DSCAM: variants seen among roughly 807,000 people sequenced by gnomAD.
DSCAM encodes the protein DS cell adhesion molecule.
DSCAM carries 47 observed loss-of-function variants against 217.7 expected under a neutral mutation model. The observed-to-expected ratio is 0.22, with a 90% CI of 0.17 to 0.28. DSCAM has a LOEUF of 0.28. Among genes scored for constraint, DSCAM ranks in the 10% least tolerant of loss-of-function variants. The pLI is 1.00. For synonymous variants in DSCAM, 1,056 were observed against 1,015.3 expected, an observed-to-expected ratio of 1.04 and a Z score of -0.76; for missense variants, 2,080 against 2,618.3, an observed-to-expected ratio of 0.79 and a Z score of 4.49.
intron 19 of DSCAM, among the ~76,000 whole-genome samples, chr21:40,128,312 C>T (rs886940018): frequency 6.6e-6 from 1 of 150,938 alleles, no homozygotes; most frequent in African/African-American, 2.4e-5. Context: ...TACAATGGGT[C>T]CCCAAGATCC....
rs995537174 is a variant in DSCAM at position 40,786,190 on chromosome 21, C to T, written c.43+60429G>A. On this transcript the variant is annotated intron_variant, in intron 1 of 32. Coordinates refer to ENST00000400454, the MANE Select transcript of DSCAM (RefSeq NM_001389.5). ...GGCGGAGGTTGTGGTGAGCTGAGAT[C>T]GTGCCATTGTACTCCAGCCTGGGCA... Among the ~76,000 whole-genome samples, 5 of 151,010 alleles carry T rather than the reference C, an allele frequency of 3.3e-5. No individual in the cohort carries two copies. The South Asian group carries it at 8.4e-4, about 25-fold the overall frequency.
At chr21:40,518,008 T>G (rs1003471680) in intron 3 of DSCAM, among the ~76,000 whole-genome samples, 1 of 151,950 alleles carries the variant, frequency 6.6e-6, no homozygotes, top group Non-Finnish European at 1.5e-5. Context: ...CTCTGCAGAC[T>G]CTTGGTTCAC....
chr21:40,594,228 A>T (rs2077004441), intron 3 of DSCAM, among the ~76,000 whole-genome samples: 1 of 152,226 alleles, frequency 6.6e-6, no homozygotes, highest in South Asian at 2.1e-4. Flanking sequence ...AATCAATCCT[A>T]GATTTGGAAC....
At chr21:40,257,882 T>C (rs1469996085) in intron 11 of DSCAM, among the ~76,000 whole-genome samples, 1 of 152,212 alleles carries the variant, frequency 6.6e-6, no homozygotes, top group Non-Finnish European at 1.5e-5. Context: ...ATGCAGTTTA[T>C]GGCTACAGAA....
At chr21:40,032,062 C>T (rs1435757661) in intron 32 of DSCAM, among the ~76,000 whole-genome samples, 1 of 152,176 alleles carries the variant, frequency 6.6e-6, no homozygotes, top group African/African-American at 2.4e-5. Context: ...CAGCCTAACT[C>T]AGCTCCTTCT....
intron 1 of DSCAM, among the ~76,000 whole-genome samples, chr21:40,828,800 C>T (rs1357622799): frequency 5.3e-5 from 8 of 152,100 alleles, no homozygotes; most frequent in Non-Finnish European, 1.0e-4. Context: ...GGACTACAGG[C>T]ACATGCCACC....
At position 40,510,153 on chromosome 21, in the gene DSCAM, C is replaced by A. The variant is rs77068217; in HGVS notation, c.509-140908G>T. On this transcript the variant is annotated intron_variant, in intron 3 of 32. Coordinates refer to ENST00000400454, the MANE Select transcript of DSCAM (RefSeq NM_001389.5). ...AAAAAGAATCTAAAATTGTCCCCCC[C>A]CAAAGCACTCTAAAATAAATAACAA... Among the ~76,000 whole-genome samples the A allele has an allele frequency of 2.1e-3, 326 of 152,084 alleles. 1 individual carries two copies. Among genetic ancestry groups the A allele is most frequent in the African/African-American group, 7.0e-3 (290 of 41,502 alleles).
intron 3 of DSCAM, among the ~76,000 whole-genome samples, chr21:40,663,881 T>TTTA: frequency 6.6e-6 from 1 of 152,188 alleles, no homozygotes; most frequent in East Asian, 1.9e-4. Context: ...TTTTTTTGAT[T>TTTA]TCTGTTTGTC....
chr21:40,518,027 G>A (rs900721295), intron 3 of DSCAM, among the ~76,000 whole-genome samples: 1 of 151,924 alleles, frequency 6.6e-6, no homozygotes, highest in African/African-American at 2.4e-5. Context: ...ACAGAGACAT[G>A]GGTGCTTCAT....
chr21:40,721,541 A>G (rs1219758245), intron 1 of DSCAM, among the ~76,000 whole-genome samples: 2 of 152,194 alleles, frequency 1.3e-5, no homozygotes, highest in African/African-American at 2.4e-5. Context: ...AATGAAAGTT[A>G]GACAAATAGG....
At chr21:40,264,335 C>T (rs1226837787) in intron 11 of DSCAM, among the ~76,000 whole-genome samples, 2 of 152,060 alleles carry the variant, frequency 1.3e-5, no homozygotes, top group Non-Finnish European at 1.5e-5. Context: ...AATAGCAAAT[C>T]GAATCCAATA....
At chr21:40,266,107 G>A (rs1489941050) in intron 11 of DSCAM, among the ~76,000 whole-genome samples, 4 of 152,048 alleles carry the variant, frequency 2.6e-5, no homozygotes, top group East Asian at 1.9e-4. Flanking sequence ...TTATGCATCC[G>A]ACAAAGTACT....
At chr21:40,786,035 C>T (rs2091590861) in intron 1 of DSCAM, among the ~76,000 whole-genome samples, 1 of 152,224 alleles carries the variant, frequency 6.6e-6, no homozygotes, top group South Asian at 2.1e-4. Context: ...TCAGGAGTTC[C>T]AGGCCAGCCT....
intron 3 of DSCAM, among the ~76,000 whole-genome samples, chr21:40,541,551 C>T (rs79494624): frequency 0.076 from 11,584 of 152,098 alleles, 861 homozygotes; most frequent in African/African-American, 0.19. Flanking sequence ...AGAATAGAGG[C>T]CTTTCTCAGA....
intron 1 of DSCAM, among the ~76,000 whole-genome samples, chr21:40,774,968 T>C (rs1228408072): frequency 1.2e-5 from 1 of 84,876 alleles, no homozygotes; most frequent in East Asian, 2.7e-4. Context: ...TATTATGTAA[T>C]AATTATATAA....
At chr21:40,028,907 C>G (rs1393544266) in intron 32 of DSCAM, among the ~76,000 whole-genome samples, 2 of 151,974 alleles carry the variant, frequency 1.3e-5, no homozygotes, top group Admixed American at 1.3e-4. Flanking sequence ...TAAAGGGGTG[C>G]TCTCCCTTGA....
intron 3 of DSCAM, among the ~76,000 whole-genome samples, chr21:40,652,774 A>G (rs1310637037): frequency 6.6e-6 from 1 of 152,244 alleles, no homozygotes. Context: ...GTGTCATTAC[A>G]GACCTGAGGC....
At chr21:40,053,475 C>T (rs1404426789) in intron 29 of DSCAM, among the ~76,000 whole-genome samples, 3 of 152,196 alleles carry the variant, frequency 2.0e-5, no homozygotes, top group African/African-American at 7.2e-5. Flanking sequence ...CAGGCAGGCC[C>T]TTTTAGATCA....
chr21:40,112,496 A>T (rs914007876), intron 20 of DSCAM, among the ~76,000 whole-genome samples: 2 of 152,134 alleles, frequency 1.3e-5, no homozygotes, highest in African/African-American at 4.8e-5. Flanking sequence ...CTAACATCAC[A>T]ATTAAAAGAA....
Sources: allele counts gnomAD v4.1 joint callset (sites outside exome capture counted in the v4.1 genomes callset), GRCh38; gene constraint gnomAD v4.1.1; transcripts MANE v1.5; gene names NCBI Gene and HGNC (gene_info 2026-07-23, HGNC 2026-07-21).